Variants in SART1 observed in about 807,000 individuals in gnomAD.
The protein encoded by SART1 is U4/U6.U5 tri-snRNP-associated protein 1.
SART1 carries 28 observed loss-of-function variants against 105.0 expected under a neutral mutation model. That is an observed-to-expected ratio of 0.27 (90% CI 0.20 to 0.37). SART1 has a LOEUF of 0.37. Ranked by LOEUF, SART1 falls within the 10% of genes least tolerant of loss-of-function variation. The pLI, the probability that SART1 is intolerant of heterozygous loss-of-function variation, is 1.00. For synonymous variants in SART1, 472 were observed against 462.9 expected, an observed-to-expected ratio of 1.02 and a Z score of -0.25; for missense variants, 894 against 1,106.5, an observed-to-expected ratio of 0.81 and a Z score of 2.72.
Position 65,977,037 on chromosome 11 carries a change from C to G in SART1, c.1881C>G (p.Ile627Met), listed in dbSNP as rs1855496049. 1 of 1,613,940 alleles carries G rather than the reference C, an allele frequency of 6.2e-7. No individual in the cohort carries two copies. The highest frequency in any genetic ancestry group is 8.5e-7 in the Non-Finnish European group (1 of 1,179,930). ...AGTTCTCTGCTTCCTCCACCACCAT[C>G]CTGGACGAGGAACCGATCGTGAATA... ...QQDFSASSTT[I>M]LDEEPIVNRG... The change falls in exon 15 of 20, where the codon ATC becomes ATG. Residue 627 changes from isoleucine (I) to methionine (M), a missense_variant. Around this residue, in one of 2 missense-constraint regions of SART1, gnomAD observed 182 missense variants for 328.3 expected, o/e 0.55. Coordinates refer to ENST00000312397, the MANE Select transcript of SART1 (RefSeq NM_005146.5).
intron 8 of SART1, 47 bp downstream of exon 8, chr11:65,966,265 CG>C (rs763789733): frequency 1.2e-6 from 2 of 1,613,608 alleles, no homozygotes; most frequent in South Asian, 2.2e-5. Context: ...TGGAGAATGT[CG>C]GGAATGGGGG....
chr11:65,964,393 TG>T, intron 2 of SART1, 121 bp from the exon 3 acceptor site: 2 of 1,208,918 alleles, frequency 1.7e-6, no homozygotes, highest in Non-Finnish European at 2.4e-6. Flanking sequence ...CTAGGCTGCC[TG>T]GGGCAGACTT....
intron 12 of SART1, among the ~76,000 whole-genome samples, chr11:65,975,273 T>G (rs1032268864): frequency 6.6e-6 from 1 of 151,766 alleles, no homozygotes. Flanking sequence ...TGGTTGATCT[T>G]TGTGTTTTTT....
intron 5 of SART1, 95 bp downstream of exon 5, chr11:65,965,542 T>G (rs1029204026): frequency 1.6e-5 from 22 of 1,388,554 alleles, no homozygotes; most frequent in Non-Finnish European, 2.2e-5. Context: ...GAGACGGGGC[T>G]TGGAGAAGGG....
chr11:65,976,256 C>G lies in SART1; in HGVS notation c.1573-139C>G. 1.3e-6 allele frequency: 1 copy of G among 776,340 alleles called. No individual in the cohort carries two copies. The highest frequency in any genetic ancestry group is 2.0e-6 in the Non-Finnish European group (1 of 505,182). 48.1% of individuals were successfully genotyped at this position (776,340 alleles called of 1,614,324 possible). On this transcript the variant is annotated intron_variant, in intron 12 of 19. Transcript: ENST00000312397. This position sits in a 1 kb window ranked among gnomAD's most constrained non-coding sequence, Gnocchi z 5.1. The stretch of plus-strand genomic sequence containing the variant: ...GAAAGAGGTGCAGAGTGGAGTTAGG[C>G]GGCAGATAGCAGCTGGGCCTGCATG...
chr11:65,973,136 T>C (rs1855415199), intron 12 of SART1, among the ~76,000 whole-genome samples: 1 of 151,860 alleles, frequency 6.6e-6, no homozygotes, highest in Admixed American at 6.6e-5. Flanking sequence ...ATCGCACCAC[T>C]GCACTCCAGC....
At chr11:65,967,973 A>G (rs1855296877) in intron 12 of SART1, 152 bp downstream of exon 12, 1 of 686,080 alleles carries the variant, frequency 1.5e-6, no homozygotes, top group Non-Finnish European at 2.2e-6. Flanking sequence ...TTTTTGAGAC[A>G]GAGTTTCGCT....
chr11:65,978,316 C>T lies in SART1; in HGVS notation c.2173-284C>T, dbSNP rs1855525607. Among the ~76,000 whole-genome samples the T allele has an allele frequency of 6.6e-6, 1 of 152,078 alleles. No individual in the cohort carries two copies. On this transcript the variant is annotated intron_variant, in intron 17 of 19. Transcript: ENST00000312397. This position sits in a 1 kb window ranked among gnomAD's most constrained non-coding sequence, Gnocchi z 6.8. ...GGGGTTTGTCTCCCTGCAGCCCCAG[C>T]CCCAGCCCCAGCGTCCAGGCCCAGC... is the stretch of plus-strand genomic sequence containing the variant.
At chr11:65,973,992 G>A (rs1833465717) in intron 12 of SART1, among the ~76,000 whole-genome samples, 1 of 152,094 alleles carries the variant, frequency 6.6e-6, no homozygotes, top group Admixed American at 6.6e-5. Context: ...GGACACTCAA[G>A]TCTGGGCAGG....
In SART1 at chr11:65,976,665, C is replaced by T. The variant is rs1215578414; in HGVS notation, c.1756C>T (p.Arg586Trp). 3.7e-6 allele frequency: 6 copies of T among 1,613,370 alleles called. No individual in the cohort carries two copies. The highest frequency in any genetic ancestry group is 2.7e-5 in the African/African-American group (2 of 74,902). Residue 586 changes from arginine to tryptophan, a missense_variant, in exon 14 of 20, where the codon CGG becomes TGG. By Grantham distance (101) the Arg-to-Trp change is moderately radical. This residue lies in a region of SART1 where 182 missense variants were observed against 328.3 expected (regional missense o/e 0.55). Coordinates refer to ENST00000312397, the MANE Select transcript of SART1 (RefSeq NM_005146.5). The surrounding 1 kb of genome is among the most constrained non-coding windows in gnomAD (Gnocchi z 5.1). ...GTCTTTTGTGCCCCAGGACTTTGAA[C>T]GGGATGAGGAGCGCTCAGCCAACGG... ...EEQEELMDFERDEERSANGGS... is the reference protein window; with the variant it reads ...EEQEELMDFEWDEERSANGGS...
At chr11:65,963,960 A>C (rs914393430) in intron 1 of SART1, 114 bp from the exon 2 acceptor site, 30 of 816,008 alleles carry the variant, frequency 3.7e-5, no homozygotes, top group Non-Finnish European at 5.3e-5. Flanking sequence ...CTGGTGTTTC[A>C]GCAGGCCCAG....
In SART1 at chr11:65,976,853, C is replaced by A; in HGVS notation, c.1857+87C>A. On this transcript the variant is annotated intron_variant, in intron 14 of 19. Coordinates refer to ENST00000312397, the MANE Select transcript of SART1 (RefSeq NM_005146.5). This position sits in a 1 kb window ranked among gnomAD's most constrained non-coding sequence, Gnocchi z 5.1. ...GGCTCGGTGTCCAGAGCCTCAGCCT[C>A]CTCATCCAGAGTGGGCTCTGCAGAC... 8.0e-7 allele frequency: 1 copy of A among 1,252,618 alleles called. No individual in the cohort carries two copies. 77.6% of individuals were successfully genotyped at this position (1,252,618 alleles called of 1,614,324 possible).
Position 65,977,783 on chromosome 11 carries a change from A to G in SART1, c.2056A>G (p.Ser686Gly). The part of the protein sequence containing the change: ...EDKMAIDDKY[S>G]RREEYRGFTQ... ...GGCCAGGGCCATCGATGACAAGTAC[A>G]GCCGGAGGGAGGAATACCGAGGCTT... is the stretch of plus-strand genomic sequence containing the variant. Residue 686 changes from serine to glycine, a missense_variant, in exon 17 of 20, where the codon AGC becomes GGC. This residue lies in a region of SART1 where 182 missense variants were observed against 328.3 expected (regional missense o/e 0.55). Coordinates refer to ENST00000312397, the MANE Select transcript of SART1 (RefSeq NM_005146.5). The G allele has an allele frequency of 1.2e-6, 2 of 1,614,024 alleles. No individual in the cohort carries two copies. The highest frequency in any genetic ancestry group is 1.7e-6 in the Non-Finnish European group (2 of 1,179,998).
chr11:65,965,378 G>A lies in SART1; in HGVS notation c.591G>A (p.Leu197=). 2 of 1,586,488 alleles carry A rather than the reference G, an allele frequency of 1.3e-6. No individual in the cohort carries two copies. The highest frequency in any genetic ancestry group is 1.7e-6 in the Non-Finnish European group (2 of 1,166,448). ...CCCTAGGAGAGGATGACCCCTGGCT[G>A]GACGACACTGCAGCCTGGATCGAGA... ...IKTLGEDDPW[L]DDTAAWIERS... Residue 197 remains leucine, a synonymous_variant, in exon 5 of 20, where the codon CTG becomes CTA. Transcript: ENST00000312397.
At chr11:65,966,007 T>G (rs901522754) in intron 7 of SART1, 21 bp downstream of exon 7, 6 of 1,613,720 alleles carry the variant, frequency 3.7e-6, no homozygotes, top group Non-Finnish European at 4.2e-6. Flanking sequence ...CTGGGTGCCC[T>G]GGGTGGGGGC....
rs1590645150 is a variant in SART1 at position 65,976,978 on chromosome 11, A to G, written c.1858-36A>G. ...GTGGGTGGGGCTGAGAAGAGCCGGT[A>G]TGGCCTGCTAACCACCCCCGCCACG... On this transcript the variant is annotated intron_variant, in intron 14 of 19. Transcript: ENST00000312397. This position sits in a 1 kb window ranked among gnomAD's most constrained non-coding sequence, Gnocchi z 5.1. The G allele has an allele frequency of 6.5e-7, 1 of 1,539,724 alleles. No homozygotes were observed. The highest frequency in any genetic ancestry group is 9.0e-7 in the Non-Finnish European group (1 of 1,112,566).
At chr11:65,973,140 C>G (rs1590641458) in intron 12 of SART1, among the ~76,000 whole-genome samples, 1 of 151,948 alleles carries the variant, frequency 6.6e-6, no homozygotes, top group Middle Eastern at 3.4e-3. Context: ...CACCACTGCA[C>G]TCCAGCCTGG....
At position 65,978,729 on chromosome 11, in the gene SART1, G is replaced by A. The variant is rs774425094; in HGVS notation, c.2262+40G>A. 4 of 1,613,618 alleles carry A rather than the reference G, an allele frequency of 2.5e-6. No individual in the cohort carries two copies. The highest frequency in any genetic ancestry group is 1.7e-4 in the Middle Eastern group (1 of 6,036). ...GGATGTGGGGGGCCCTGTGCCTGCC[G>A]GGGCAGGGGTGGCTGGTGTGTGGGG... On this transcript the variant is annotated intron_variant, in intron 18 of 19. Coordinates refer to ENST00000312397, the MANE Select transcript of SART1 (RefSeq NM_005146.5). The surrounding 1 kb of genome is among the most constrained non-coding windows in gnomAD (Gnocchi z 6.8).
rs1315242324 is a variant in SART1, at chr11:65,978,280, C to A, written c.2173-320C>A. 7 of 504,232 alleles carry A rather than the reference C, an allele frequency of 1.4e-5. No individual in the cohort carries two copies. In the East Asian group the frequency reaches 2.6e-4, roughly 18 times the overall value. The allele number at this position is 504,232 out of a possible 1,614,324, so 31.2% of individuals were successfully genotyped here. A position where few individuals can be genotyped will look rare whatever the true frequency, so the allele number is the denominator to read the frequency against. On this transcript the variant is annotated intron_variant, in intron 17 of 19. Transcript: ENST00000312397. The surrounding 1 kb of genome is among the most constrained non-coding windows in gnomAD (Gnocchi z 6.8). The stretch of plus-strand genomic sequence containing the variant: ...GTCCTGCCCTACCACTCAGCTGCCC[C>A]CTTGCTCTCTGGGGTTTGTCTCCCT...
Sources: gnomAD v4.1 joint callset for allele counts (sites outside exome capture counted in the v4.1 genomes callset) on GRCh38, gnomAD v4.1.1 for gene constraint, gnomAD v4.1.1 regional missense constraint, Gnocchi (gnomAD v3.1) non-coding constraint, MANE v1.5 for transcripts, NCBI Gene and HGNC (gene_info 2026-07-23, HGNC 2026-07-21) for gene names.